The following MEMO1 variants were observed in gnomAD, a reference collection of about 807,000 sequenced individuals.
The protein encoded by MEMO1 is mediator of cell motility 1, also known as protein MEMO1.
MEMO1 carries 6 observed loss-of-function variants against 45.2 expected under a neutral mutation model. The observed-to-expected ratio is 0.13, with a 90% CI of 0.07 to 0.26. The LOEUF (loss-of-function observed/expected upper bound fraction) is 0.26, where lower values mean the gene tolerates loss of function less well. Ranked by LOEUF, MEMO1 falls within the 10% of genes least tolerant of loss-of-function variation. MEMO1 has a pLI of 1.00. For missense variants in MEMO1, 184 were observed against 370.5 expected (o/e 0.50, Z 4.13); for synonymous variants, 78 against 124.3 (o/e 0.63, Z 2.48).
In MEMO1 at chr2:31,892,148, GA is replaced by G. The variant is rs751196597; in HGVS notation, c.438-15del. 26,155 of 1,058,620 alleles carry G rather than the reference GA, an allele frequency of 0.025. No individual in the cohort carries two copies. The highest frequency in any genetic ancestry group is 0.049 in the South Asian group (2,550 of 52,096). The allele number at this position is 1,058,620 out of a possible 1,614,324, so 65.6% of individuals were successfully genotyped here. On this transcript the variant is annotated splice_polypyrimidine_tract_variant and intron_variant, in intron 6 of 9. Transcript: ENST00000404530. ...TCATCCTTATGGCTTAAAGAAAACA[GA>G]AAAAAAAAAAATGTCATTTAAGATG...
intron 7 of MEMO1, among the ~76,000 whole-genome samples, chr2:31,884,450 C>T (rs1675877413): frequency 6.6e-6 from 1 of 152,144 alleles, no homozygotes; most frequent in African/African-American, 2.4e-5. Flanking sequence ...TTGTGCTTCA[C>T]GTTCAGAGCA....
intron 7 of MEMO1, among the ~76,000 whole-genome samples, chr2:31,888,871 C>G (rs753344219): frequency 2.6e-5 from 4 of 152,034 alleles, no homozygotes; most frequent in Non-Finnish European, 4.4e-5. Context: ...CTTGGCTTAA[C>G]TCAACTAGAA....
At chr2:31,962,769 G>A (rs1367845241) in intron 2 of MEMO1, among the ~76,000 whole-genome samples, 1 of 152,160 alleles carries the variant, frequency 6.6e-6, no homozygotes, top group Non-Finnish European at 1.5e-5. Context: ...AAATGAGCCT[G>A]GATGTGACAG....
intron 7 of MEMO1, 120 bp from the exon 8 acceptor site, chr2:31,883,582 G>C (rs1439412015): frequency 3.0e-6 from 2 of 667,244 alleles, no homozygotes; most frequent in Admixed American, 3.0e-5. Flanking sequence ...AAGCCTCTGA[G>C]AGAATCATTC....
intron 2 of MEMO1, among the ~76,000 whole-genome samples, chr2:31,953,440 C>T (rs543702245): frequency 3.4e-5 from 5 of 146,596 alleles, no homozygotes; most frequent in African/African-American, 7.5e-5. Context: ...TAAATCAGTA[C>T]GAACTTTCAT....
At chr2:31,993,948 T>A (rs1170269555) in intron 2 of MEMO1, among the ~76,000 whole-genome samples, 1 of 141,610 alleles carries the variant, frequency 7.1e-6, no homozygotes, top group African/African-American at 2.6e-5. Context: ...ATCAATACTT[T>A]CTTTTTTTTT....
intron 4 of MEMO1, among the ~76,000 whole-genome samples, chr2:31,922,053 T>A (rs1013808921): frequency 3.9e-5 from 6 of 152,010 alleles, no homozygotes; most frequent in African/African-American, 9.7e-5. Flanking sequence ...CCTTCCCACA[T>A]CACATACAAA....
intron 2 of MEMO1, among the ~76,000 whole-genome samples, chr2:31,966,732 C>CAAAAAAAAAAAAAAAAAAAAAAAAAAAAA (rs758359349): frequency 6.8e-5 from 8 of 117,856 alleles, no homozygotes; most frequent in South Asian, 2.7e-4. Flanking sequence ...GACTCTGTCT[C>CAAAAAAAAAAAAAAAAAAAAAAAAAAAAA]AAAAAAAAAA....
chr2:31,989,960 A>C (rs1462127480), intron 2 of MEMO1, among the ~76,000 whole-genome samples: 5 of 152,182 alleles, frequency 3.3e-5, no homozygotes, highest in Non-Finnish European at 1.5e-5. Context: ...TCTACAAAAA[A>C]TACAGAAATT....
At chr2:31,935,164 G>C (rs899891920) in intron 3 of MEMO1, among the ~76,000 whole-genome samples, 4 of 152,116 alleles carry the variant, frequency 2.6e-5, no homozygotes, top group African/African-American at 7.2e-5. Flanking sequence ...ACTTGCTCAA[G>C]TTCACAGAGA....
intron 6 of MEMO1, among the ~76,000 whole-genome samples, chr2:31,914,257 G>C (rs375270684): frequency 3.3e-5 from 5 of 152,010 alleles, no homozygotes; most frequent in Non-Finnish European, 2.9e-5. Flanking sequence ...CTATAGAATC[G>C]TAAGTGAAAA....
intron 6 of MEMO1, among the ~76,000 whole-genome samples, chr2:31,894,113 T>TA (rs757178280): frequency 2.6e-5 from 4 of 151,962 alleles, no homozygotes; most frequent in African/African-American, 4.8e-5. Context: ...TAAAACTAGA[T>TA]AAAAGCGTCA....
At chr2:32,008,837 T>C (rs1674430700) in intron 2 of MEMO1, among the ~76,000 whole-genome samples, 1 of 152,214 alleles carries the variant, frequency 6.6e-6, no homozygotes, top group Admixed American at 6.5e-5. Flanking sequence ...CAGTGAGTCA[T>C]GTATTTCAGT....
At chr2:31,970,309 C>T (rs1030376981) in intron 2 of MEMO1, among the ~76,000 whole-genome samples, 2 of 152,110 alleles carry the variant, frequency 1.3e-5, no homozygotes, top group South Asian at 2.1e-4. Context: ...TCCAGAGGGA[C>T]AATTCTGCCC....
chr2:31,992,377 T>G (rs1159129930), intron 2 of MEMO1, among the ~76,000 whole-genome samples: 1 of 152,250 alleles, frequency 6.6e-6, no homozygotes, highest in Non-Finnish European at 1.5e-5. Context: ...AAATATTCAC[T>G]ATCTGATCCT....
At chr2:31,947,066 C>G (rs1045638205) in intron 2 of MEMO1, among the ~76,000 whole-genome samples, 2 of 152,094 alleles carry the variant, frequency 1.3e-5, no homozygotes, top group Non-Finnish European at 2.9e-5. Flanking sequence ...CAGACAACAA[C>G]GAAATGGCCT....
At chr2:31,882,494 T>A (rs1338051445) in intron 8 of MEMO1, among the ~76,000 whole-genome samples, 1 of 152,134 alleles carries the variant, frequency 6.6e-6, no homozygotes, top group Non-Finnish European at 1.5e-5. Flanking sequence ...AATTTTAGAT[T>A]TTGAGAGCTT....
chr2:31,988,920 T>C (rs760441034), intron 2 of MEMO1, among the ~76,000 whole-genome samples: 49 of 151,936 alleles, frequency 3.2e-4, no homozygotes, highest in Middle Eastern at 3.4e-3. Context: ...AAATGAATAG[T>C]GGGCAGCCAG....
At chr2:31,899,059 T>C (rs1678344830) in intron 6 of MEMO1, among the ~76,000 whole-genome samples, 1 of 152,132 alleles carries the variant, frequency 6.6e-6, no homozygotes, top group Non-Finnish European at 1.5e-5. Flanking sequence ...TGGAAAAACA[T>C]CCCACGCTCA....
Sources: gnomAD v4.1 joint callset for allele counts (sites outside exome capture counted in the v4.1 genomes callset) on GRCh38, gnomAD v4.1.1 for gene constraint, MANE v1.5 for transcripts, NCBI Gene and HGNC (gene_info 2026-07-23, HGNC 2026-07-21) for gene names.